CORO1C: variants seen among roughly 807,000 people sequenced by gnomAD.
CORO1C encodes the protein coronin-1C.
Under a neutral mutation model 51.2 loss-of-function variants are expected in CORO1C, and 14 were observed. The ratio of observed to expected loss-of-function variants is 0.27; its 90% confidence interval spans 0.18 to 0.43. The LOEUF (loss-of-function observed/expected upper bound fraction) is 0.43, where lower values mean the gene tolerates loss of function less well. CORO1C is among the 20% of genes least tolerant of loss of function. The probability of loss-of-function intolerance (pLI) is 1.00; values close to 1 mark genes in which losing one functional copy is unlikely to be tolerated. For missense variants in CORO1C, 417 were observed against 607.8 expected (o/e 0.69, Z 3.30); for synonymous variants, 181 against 210.5 (o/e 0.86, Z 1.21).
In CORO1C at chr12:108,647,464, A is replaced by G. The variant is rs1397851166; in HGVS notation, c.1364T>C (p.Ile455Thr). Residue 455 changes from isoleucine (I) to threonine (T), a missense_variant, in exon 11 of 11, where the codon ATC becomes ACC. By Grantham distance (89) the Ile-to-Thr change is moderately conservative (BLOSUM62 -1). Coordinates refer to ENST00000261401, the MANE Select transcript of CORO1C (RefSeq NM_014325.4). ...GGAAATACGCTCATCTTGATTGCAG[A>G]TTGTGTCTTTTATAGATTTGATCTC... is the stretch of plus-strand genomic sequence containing the variant. The part of the protein sequence containing the change: ...LKEIKSIKDT[I>T]CNQDERISKL... 1 of 1,611,602 alleles carries G rather than the reference A, an allele frequency of 6.2e-7. No homozygotes were observed. The highest frequency in any genetic ancestry group is 8.5e-7 in the Non-Finnish European group (1 of 1,177,810).
At chr12:108,650,364 G>C (rs937478545) in intron 8 of CORO1C, among the ~76,000 whole-genome samples, 1 of 151,854 alleles carries the variant, frequency 6.6e-6, no homozygotes, top group African/African-American at 2.4e-5. Context: ...ATGTTTTGTA[G>C]AGACAGGGTC....
chr12:108,681,050 T>G (rs1040530118), intron 2 of CORO1C, among the ~76,000 whole-genome samples: 12 of 152,176 alleles, frequency 7.9e-5, no homozygotes, highest in African/African-American at 2.9e-4. Context: ...TTGCCTAGGC[T>G]GGAATGCTGT....
intron 8 of CORO1C, among the ~76,000 whole-genome samples, chr12:108,649,826 A>T (rs895915605): frequency 1.3e-5 from 2 of 152,232 alleles, no homozygotes; most frequent in Admixed American, 1.3e-4. Flanking sequence ...TGGCCAGATC[A>T]CCAGATCAAA....
intron 1 of CORO1C, among the ~76,000 whole-genome samples, chr12:108,709,634 T>C (rs1267502298): frequency 6.6e-6 from 1 of 152,206 alleles, no homozygotes; most frequent in Non-Finnish European, 1.5e-5. Context: ...TCAGCTATAT[T>C]GTCCCAAACT....
intron 1 of CORO1C, chr12:108,701,631 T>C (rs960010725): frequency 2.8e-6 from 1 of 363,134 alleles, no homozygotes; most frequent in African/African-American, 2.1e-5. Context: ...CCTTTCAGGG[T>C]TGGGTGGGAG....
chr12:108,657,081 A>G (rs1031899367), intron 6 of CORO1C, among the ~76,000 whole-genome samples: 4 of 152,196 alleles, frequency 2.6e-5, no homozygotes, highest in African/African-American at 9.6e-5. Context: ...AAAATAAAAA[A>G]TATATAGTCA....
chr12:108,706,601 AT>A (rs966707785), intron 1 of CORO1C, among the ~76,000 whole-genome samples: 109 of 148,880 alleles, frequency 7.3e-4, no homozygotes, highest in East Asian at 2.3e-3. Flanking sequence ...TATAAAAATC[AT>A]TTTTTTTTTT....
intron 6 of CORO1C, among the ~76,000 whole-genome samples, chr12:108,656,360 G>A (rs564711744): frequency 1.4e-4 from 21 of 148,586 alleles, no homozygotes; most frequent in African/African-American, 4.5e-4. Context: ...CACCCGGCCA[G>A]CCGCCCCGTC....
chr12:108,655,480 C>A (rs1342415573), intron 6 of CORO1C, among the ~76,000 whole-genome samples: 1 of 151,874 alleles, frequency 6.6e-6, no homozygotes, highest in Non-Finnish European at 1.5e-5. Flanking sequence ...AACCTCCCTG[C>A]CTGATTCTCC....
chr12:108,677,712 A>T (rs1431051256), intron 3 of CORO1C, among the ~76,000 whole-genome samples: 2 of 152,226 alleles, frequency 1.3e-5, no homozygotes, highest in Non-Finnish European at 2.9e-5. Context: ...AACAGAGAAC[A>T]TGTCAACTGT....
chr12:108,731,419 A>C lies in CORO1C; in HGVS notation c.-6+10T>G, dbSNP rs11114043. 0.96 allele frequency: 146,470 copies of C among 152,742 alleles called. 70,268 individuals carry two copies. The highest frequency in any genetic ancestry group is 1 in the East Asian group (5,130 of 5,144). 9.5% of individuals were successfully genotyped at this position (152,742 alleles called of 1,614,324 possible). A position where few individuals can be genotyped will look rare whatever the true frequency, so the allele number is the denominator to read the frequency against. On this transcript the variant is annotated intron_variant, in intron 1 of 10. Transcript: ENST00000261401. This position sits in a 1 kb window ranked among gnomAD's most constrained non-coding sequence, Gnocchi z 5.2. Reference sequence around the variant, plus strand: ...TCTCAGGCTGCCCCCGCCGGGCGCGAGCCGCTCACCCGGGCCGAGGTGCCT... The same window carrying C: ...TCTCAGGCTGCCCCCGCCGGGCGCGCGCCGCTCACCCGGGCCGAGGTGCCT...
chr12:108,721,841 T>C (rs2136887784), intron 1 of CORO1C, among the ~76,000 whole-genome samples: 1 of 152,178 alleles, frequency 6.6e-6, no homozygotes, highest in South Asian at 2.1e-4. Flanking sequence ...CCTGATCAAC[T>C]TTCCAAAGGT....
At chr12:108,685,636 T>G (rs532058403) in intron 2 of CORO1C, among the ~76,000 whole-genome samples, 1 of 151,058 alleles carries the variant, frequency 6.6e-6, no homozygotes, top group Admixed American at 6.6e-5. Flanking sequence ...ACACAAGTAA[T>G]GTTAAAAATT....
intron 3 of CORO1C, among the ~76,000 whole-genome samples, chr12:108,669,673 T>TTA (rs1565910851): frequency 1.2e-5 from 1 of 80,260 alleles, no homozygotes; most frequent in Non-Finnish European, 2.3e-5. Flanking sequence ...GCTTTTCCGT[T>TTA]AAAAAAAAAA....
chr12:108,659,025 A>T, intron 4 of CORO1C, 106 bp from the exon 5 acceptor site: 1 of 1,136,866 alleles, frequency 8.8e-7, no homozygotes, highest in Non-Finnish European at 1.2e-6. Context: ...ATGCAGAGAG[A>T]GAGAGAGAGA....
intron 2 of CORO1C, among the ~76,000 whole-genome samples, chr12:108,698,116 T>C (rs1033105053): frequency 3.9e-5 from 6 of 152,212 alleles, no homozygotes; most frequent in Admixed American, 3.3e-4. Flanking sequence ...GGCCAAGCCC[T>C]GCCATAGCAG....
chr12:108,685,056 C>T (rs1352575989), intron 2 of CORO1C, among the ~76,000 whole-genome samples: 8 of 152,146 alleles, frequency 5.3e-5, no homozygotes, highest in Non-Finnish European at 7.4e-5. Context: ...GGCTAAGAAG[C>T]GCTTTTATTC....
chr12:108,701,034 T>C (rs1421943542), intron 2 of CORO1C, 90 bp downstream of exon 2: 8 of 1,393,252 alleles, frequency 5.7e-6, no homozygotes, highest in East Asian at 2.3e-5. Flanking sequence ...GTTTCACAAA[T>C]ACAATTCTTA....
intron 8 of CORO1C, 134 bp from the exon 9 acceptor site, chr12:108,649,154 C>T: frequency 1.0e-6 from 1 of 962,188 alleles, no homozygotes; most frequent in Non-Finnish European, 1.6e-6. Context: ...CTGATCCACC[C>T]CGGGAATAGG....
Sources: gnomAD v4.1 joint callset for allele counts (sites outside exome capture counted in the v4.1 genomes callset) on GRCh38, gnomAD v4.1.1 for gene constraint, Gnocchi (gnomAD v3.1) non-coding constraint, MANE v1.5 for transcripts, NCBI Gene and HGNC (gene_info 2026-07-23, HGNC 2026-07-21) for gene names.